The following FTO variants were observed in gnomAD, a reference collection of about 807,000 sequenced individuals.
FTO encodes alpha-ketoglutarate-dependent dioxygenase FTO.
A neutral mutation model predicts 63.9 loss-of-function variants in FTO; 47 were observed. The observed-to-expected ratio is 0.74, with a 90% CI of 0.58 to 0.94. The LOEUF (loss-of-function observed/expected upper bound fraction) is 0.94. FTO is among the 40% of genes least tolerant of loss of function. The probability of loss-of-function intolerance (pLI) is 0.00; values close to 1 mark genes in which losing one functional copy is unlikely to be tolerated. For missense variants in FTO, 562 were observed against 618.1 expected (o/e 0.91, Z 0.96); for synonymous variants, 207 against 224.4 (o/e 0.92, Z 0.69).
intron 8 of FTO, among the ~76,000 whole-genome samples, chr16:54,020,984 A>T (rs1030558559): frequency 5.9e-5 from 9 of 152,140 alleles, no homozygotes; most frequent in Admixed American, 3.3e-4. Context: ...AAAAGAAAAA[A>T]AAAGAATTTT....
At chr16:53,761,916 T>G (rs545997193) in intron 1 of FTO, among the ~76,000 whole-genome samples, 4 of 152,342 alleles carry the variant, frequency 2.6e-5, no homozygotes, top group Admixed American at 1.3e-4. Flanking sequence ...ATGTGATTCT[T>G]TTAATGCCTT....
rs1702553390 is a variant in FTO at position 53,937,260 on chromosome 16, C to T, written c.1364+3151C>T. The T allele has an allele frequency of 1.3e-5, 5 of 398,444 alleles. No individual in the cohort carries two copies. In the South Asian group the frequency reaches 5.1e-4, roughly 41 times the overall value. 24.7% of individuals were successfully genotyped at this position (398,444 alleles called of 1,614,324 possible). On this transcript the variant is annotated intron_variant, in intron 8 of 8. Coordinates refer to ENST00000471389, the MANE Select transcript of FTO (RefSeq NM_001080432.3). ...ATTCACTTCCCCAGAGTTGAATGAT[C>T]CAAAGGACATCGGGAGAAGCTGTGT...
chr16:53,746,519 A>G (rs1264624562), intron 1 of FTO, among the ~76,000 whole-genome samples: 1 of 152,182 alleles, frequency 6.6e-6, no homozygotes, highest in Non-Finnish European at 1.5e-5. Flanking sequence ...TTGTTATTCA[A>G]CATGATTTAG....
intron 4 of FTO, among the ~76,000 whole-genome samples, chr16:53,858,773 G>C (rs770266033): frequency 6.6e-6 from 1 of 152,018 alleles, no homozygotes; most frequent in Admixed American, 6.6e-5. Flanking sequence ...TGATTCTCCT[G>C]CCTCAATCTC....
intron 7 of FTO, among the ~76,000 whole-genome samples, chr16:53,926,974 C>G (rs1330204763): frequency 1.3e-5 from 2 of 152,028 alleles, no homozygotes; most frequent in Admixed American, 6.6e-5. Flanking sequence ...CCTTGGTGAC[C>G]CTAAGAAACT....
intron 8 of FTO, among the ~76,000 whole-genome samples, chr16:53,984,321 C>CCTTTTTTTTTTTTTTTTTTTTTTTTTTTT (rs1555500067): frequency 1.5e-5 from 1 of 67,290 alleles, no homozygotes; most frequent in Non-Finnish European, 2.8e-5. Context: ...TGGAATGGGT[C>CCTTTTTTTTTTTTTTTTTTTTTTTTTTTT]TTTTTTTTTT....
In FTO at chr16:53,810,281, T is replaced by C. The variant is rs2078487085; in HGVS notation, c.123+64T>C. On this transcript the variant is annotated intron_variant, in intron 2 of 8. Transcript: ENST00000471389. The stretch of plus-strand genomic sequence containing the variant: ...GTTCTGATCAACCTTATTTTACCTA[T>C]GAGGAAGCTGGGCTAGAGAGGTTAA... 3 of 1,181,156 alleles carry C rather than the reference T, an allele frequency of 2.5e-6. No individual in the cohort carries two copies. The African/African-American group carries it at 4.5e-5, about 18-fold the overall frequency. 73.2% of individuals were successfully genotyped at this position (1,181,156 alleles called of 1,614,324 possible). A position where few individuals can be genotyped will look rare whatever the true frequency, so the allele number is the denominator to read the frequency against.
chr16:53,982,552 G>A (rs574859504), intron 8 of FTO, among the ~76,000 whole-genome samples: 16 of 152,268 alleles, frequency 1.1e-4, no homozygotes, highest in Admixed American at 6.5e-5. Context: ...TATAATACCT[G>A]CTTGCATGAA....
chr16:53,751,235 C>G (rs986916185), intron 1 of FTO, among the ~76,000 whole-genome samples: 1 of 151,956 alleles, frequency 6.6e-6, no homozygotes, highest in Non-Finnish European at 1.5e-5. Flanking sequence ...TAGTGAGACC[C>G]TCTCTCTATT....
chr16:53,821,719 A>G (rs1215297811), intron 2 of FTO, among the ~76,000 whole-genome samples: 1 of 152,192 alleles, frequency 6.6e-6, no homozygotes, highest in Admixed American at 6.5e-5. Flanking sequence ...GACTTGACTC[A>G]TTCATTTTTC....
At chr16:53,883,237 T>C (rs2080888432) in intron 6 of FTO, among the ~76,000 whole-genome samples, 1 of 152,214 alleles carries the variant, frequency 6.6e-6, no homozygotes, top group Non-Finnish European at 1.5e-5. Flanking sequence ...TTCTCATCTC[T>C]TGTGACTGAC....
At chr16:53,966,150 G>T (rs917986990) in intron 8 of FTO, among the ~76,000 whole-genome samples, 19 of 152,330 alleles carry the variant, frequency 1.2e-4, no homozygotes, top group African/African-American at 3.1e-4. Context: ...TTACAGGTGT[G>T]AGCCACCATG....
At chr16:53,947,167 A>T (rs2082669388) in intron 8 of FTO, among the ~76,000 whole-genome samples, 1 of 152,122 alleles carries the variant, frequency 6.6e-6, no homozygotes, top group Non-Finnish European at 1.5e-5. Context: ...ATGGTGGGTC[A>T]AGTTTAAGAG....
At chr16:53,908,999 C>G (rs898495704) in intron 7 of FTO, among the ~76,000 whole-genome samples, 1 of 152,140 alleles carries the variant, frequency 6.6e-6, no homozygotes, top group African/African-American at 2.4e-5. Flanking sequence ...CATTTGTTTT[C>G]TCTGTGGGCT....
intron 8 of FTO, among the ~76,000 whole-genome samples, chr16:53,994,738 C>T (rs1203051420): frequency 1.4e-5 from 2 of 147,264 alleles, no homozygotes; most frequent in South Asian, 2.2e-4. Flanking sequence ...GTGTTTCCTC[C>T]TTTTTTTTTT....
intron 4 of FTO, among the ~76,000 whole-genome samples, chr16:53,863,489 C>T (rs910210078): frequency 6.6e-6 from 1 of 152,136 alleles, no homozygotes; most frequent in African/African-American, 2.4e-5. Flanking sequence ...TTGTTTTTGT[C>T]TTTATGTGGA....
At chr16:54,048,450 C>A (rs1021940249) in intron 8 of FTO, among the ~76,000 whole-genome samples, 10 of 151,984 alleles carry the variant, frequency 6.6e-5, no homozygotes, top group Non-Finnish European at 1.2e-4. Flanking sequence ...ATTCCACCAA[C>A]GCTGTGCAAG....
intron 8 of FTO, chr16:54,040,263 T>A (rs1009874041): frequency 1.1e-4 from 16 of 152,058 alleles, no homozygotes; most frequent in African/African-American, 3.9e-4. Context: ...TTAGGATCAC[T>A]CCAAAAAAAG....
chr16:53,735,494 A>G (rs1429438457), intron 1 of FTO, among the ~76,000 whole-genome samples: 1 of 152,162 alleles, frequency 6.6e-6, no homozygotes, highest in Non-Finnish European at 1.5e-5. Flanking sequence ...ATCCTCGCTG[A>G]CTCCAGAGAC....
Sources: gnomAD v4.1 joint callset for allele counts (sites outside exome capture counted in the v4.1 genomes callset) on GRCh38, gnomAD v4.1.1 for gene constraint, MANE v1.5 for transcripts, NCBI Gene and HGNC (gene_info 2026-07-23, HGNC 2026-07-21) for gene names.